PARN: variants seen among roughly 807,000 people sequenced by gnomAD.
The protein encoded by PARN is poly(A)-specific ribonuclease, also known as poly(A)-specific ribonuclease PARN.
In PARN, 71 loss-of-function variants were observed where a neutral mutation model predicts 102.8. The ratio of observed to expected loss-of-function variants is 0.69; its 90% confidence interval spans 0.57 to 0.84. The LOEUF (loss-of-function observed/expected upper bound fraction) is 0.84, where lower values mean the gene tolerates loss of function less well. Ranked by LOEUF, PARN falls within the 40% of genes least tolerant of loss-of-function variation. The pLI, the probability that PARN is intolerant of heterozygous loss-of-function variation, is 0.00. For missense variants in PARN, 782 were observed against 760.9 expected (o/e 1.03, Z -0.33); for synonymous variants, 261 against 252.9 (o/e 1.03, Z -0.30).
At chr16:14,590,279 A>C (rs985820150) in intron 13 of PARN, among the ~76,000 whole-genome samples, 1 of 151,000 alleles carries the variant, frequency 6.6e-6, no homozygotes, top group African/African-American at 2.4e-5. Flanking sequence ...GAAGAGAAAA[A>C]AAAAAAAAAA....
At chr16:14,538,219 CTTTTT>C (rs34012270) in intron 21 of PARN, among the ~76,000 whole-genome samples, 2 of 131,842 alleles carry the variant, frequency 1.5e-5, no homozygotes, top group Admixed American at 7.6e-5. Flanking sequence ...ATATTTTTCA[CTTTTT>C]TTTTTTTTTT....
chr16:14,589,248 G>C (rs995747265), intron 13 of PARN, among the ~76,000 whole-genome samples: 4 of 151,992 alleles, frequency 2.6e-5, no homozygotes, highest in African/African-American at 4.8e-5. Context: ...CTGCTACTTT[G>C]ATCTACTTGG....
chr16:14,540,908 G>A (rs766697002), intron 21 of PARN, among the ~76,000 whole-genome samples: 5 of 152,030 alleles, frequency 3.3e-5, no homozygotes, highest in South Asian at 2.1e-4. Context: ...CTGTGAACGC[G>A]CCACTGCACT....
At chr16:14,450,397 T>C (rs1239280144) in intron 22 of PARN, among the ~76,000 whole-genome samples, 1 of 152,078 alleles carries the variant, frequency 6.6e-6, no homozygotes, top group Non-Finnish European at 1.5e-5. Context: ...CAGACAGACA[T>C]AAAAATATTA....
chr16:14,499,536 A>T (rs1567325014), intron 21 of PARN, among the ~76,000 whole-genome samples: 1 of 152,346 alleles, frequency 6.6e-6, no homozygotes, highest in East Asian at 1.9e-4. Flanking sequence ...TACGATTTTT[A>T]AAAAAGTGAT....
intron 9 of PARN, 92 bp from the exon 10 acceptor site, chr16:14,606,618 G>GT (rs1567442754): frequency 3.2e-6 from 2 of 624,142 alleles, no homozygotes; most frequent in African/African-American, 3.8e-5. Context: ...TACTAATTAA[G>GT]TAAGTTTTAT....
At chr16:14,535,912 G>T (rs971074440) in intron 21 of PARN, among the ~76,000 whole-genome samples, 1 of 151,886 alleles carries the variant, frequency 6.6e-6, no homozygotes, top group African/African-American at 2.4e-5. Context: ...GGATAAGGAG[G>T]GACTACTGTA....
At chr16:14,438,441 T>TGC (rs1555475653) in intron 23 of PARN, among the ~76,000 whole-genome samples, 2 of 107,024 alleles carry the variant, frequency 1.9e-5, no homozygotes, top group Admixed American at 1.8e-4. Context: ...TGCCATTAGT[T>TGC]GGGGGGGGGG....
At chr16:14,557,582 A>C (rs1372579425) in intron 18 of PARN, among the ~76,000 whole-genome samples, 2 of 151,558 alleles carry the variant, frequency 1.3e-5, no homozygotes, top group African/African-American at 2.4e-5. Flanking sequence ...AAAAAAGCCA[A>C]GCAGGGCAAA....
intron 5 of PARN, among the ~76,000 whole-genome samples, chr16:14,624,233 C>A (rs1370040342): frequency 6.6e-6 from 1 of 152,178 alleles, no homozygotes; most frequent in African/African-American, 2.4e-5. Flanking sequence ...AATTTTCACC[C>A]TACTTAATAA....
chr16:14,611,157 C>T (rs1344236416), intron 6 of PARN, among the ~76,000 whole-genome samples: 4 of 152,098 alleles, frequency 2.6e-5, no homozygotes, highest in Admixed American at 6.6e-5. Context: ...GAGAATAAGT[C>T]GGATACGAAA....
chr16:14,495,921 G>C (rs1964290338), intron 21 of PARN, among the ~76,000 whole-genome samples: 1 of 152,170 alleles, frequency 6.6e-6, no homozygotes, highest in Non-Finnish European at 1.5e-5. Flanking sequence ...CGAGGTCAGG[G>C]GAGGGGAGGG....
chr16:14,615,808 CGAGTATCACTT>C (rs1971859744), intron 6 of PARN, among the ~76,000 whole-genome samples: 1 of 150,828 alleles, frequency 6.6e-6, no homozygotes, highest in Non-Finnish European at 1.5e-5. Context: ...GGCTGAGGCA[CGAGTATCACTT>C]GAACCTGTTA....
At chr16:14,595,071 T>C (rs1300771435) in intron 12 of PARN, among the ~76,000 whole-genome samples, 1 of 152,214 alleles carries the variant, frequency 6.6e-6, no homozygotes. Context: ...GACTAGATAC[T>C]GTAAGGCTAA....
chr16:14,614,846 CAAAAAAAAAAAA>C lies in PARN; in HGVS notation c.388+2732_388+2743del, dbSNP rs57502376. Among the ~76,000 whole-genome samples, 57 of 37,666 alleles carry C rather than the reference CAAAAAAAAAAAA, an allele frequency of 1.5e-3. No homozygotes were observed. In the South Asian group the frequency reaches 0.026, roughly 17 times the overall value. 24.7% of individuals were successfully genotyped at this position (37,666 alleles called of 152,430 possible). On this transcript the variant is annotated intron_variant, in intron 6 of 23. Transcript: ENST00000437198. ...ATGGGAAAGAAGAGCGAAACTGTCT[CAAAAAAAAAAAA>C]AAAAAAAAAAAAAAAAAAAAGAAAA...
intron 11 of PARN, among the ~76,000 whole-genome samples, chr16:14,600,723 G>A (rs1188636567): frequency 1.3e-5 from 2 of 152,150 alleles, no homozygotes. Flanking sequence ...TTGAGGTCGG[G>A]AGTTCGAGAC....
chr16:14,458,858 G>A (rs534904622), intron 22 of PARN, among the ~76,000 whole-genome samples: 4 of 152,242 alleles, frequency 2.6e-5, no homozygotes, highest in South Asian at 2.1e-4. Flanking sequence ...CAGGCTCAGC[G>A]GCACCAGGTA....
intron 21 of PARN, among the ~76,000 whole-genome samples, chr16:14,494,782 G>A (rs909015610): frequency 7.9e-5 from 12 of 152,118 alleles, no homozygotes; most frequent in African/African-American, 2.4e-4. Context: ...GAGAAAGGGC[G>A]GTGGCTTGTT....
Position 14,490,694 on chromosome 16 carries a change from T to C in PARN, c.1481-7867A>G, listed in dbSNP as rs533418121. On this transcript the variant is annotated intron_variant, in intron 21 of 23. Transcript: ENST00000437198. ...CAGCGTGAGGCCCTAAATCACCACA[T>C]TGTCATTCAGGATTGTCACCCCAAG... 2.3e-4 allele frequency among the ~76,000 whole-genome samples: 35 copies of C among 152,314 alleles called. No individual in the cohort carries two copies. In the East Asian group the frequency reaches 4.0e-3, roughly 18 times the overall value.
Sources: gnomAD v4.1 joint callset for allele counts (sites outside exome capture counted in the v4.1 genomes callset) on GRCh38, gnomAD v4.1.1 for gene constraint, MANE v1.5 for transcripts, NCBI Gene and HGNC (gene_info 2026-07-23, HGNC 2026-07-21) for gene names.